Variants in PRKN observed in about 807,000 individuals in gnomAD.
PRKN encodes parkin RBR E3 ubiquitin protein ligase, also known as E3 ubiquitin-protein ligase parkin.
PRKN carries 56 observed loss-of-function variants against 59.5 expected under a neutral mutation model. The observed-to-expected ratio is 0.94, with a 90% CI of 0.76 to 1.18. PRKN has a LOEUF of 1.18. Ranked by LOEUF, PRKN falls within the 50% of genes most tolerant of loss-of-function variation. The pLI, the probability that PRKN is intolerant of heterozygous loss-of-function variation, is 0.00. For synonymous variants in PRKN, 250 were observed against 222.1 expected (o/e 1.13, Z -1.12); for missense variants, 657 against 596.4 (o/e 1.10, Z -1.06).
chr6:162,223,105 G>A (rs149404275), intron 3 of PRKN, among the ~76,000 whole-genome samples: 6 of 149,616 alleles, frequency 4.0e-5, no homozygotes, highest in African/African-American at 1.5e-4. Flanking sequence ...GAGAACATGC[G>A]GTGTTTGGTT....
intron 2 of PRKN, among the ~76,000 whole-genome samples, chr6:162,346,885 A>G (rs1269425438): frequency 6.6e-6 from 1 of 151,946 alleles, no homozygotes; most frequent in Non-Finnish European, 1.5e-5. Context: ...ATATATACAT[A>G]TATCTATATA....
At chr6:162,719,515 T>C (rs1778852058) in intron 1 of PRKN, among the ~76,000 whole-genome samples, 1 of 146,850 alleles carries the variant, frequency 6.8e-6, no homozygotes, top group Admixed American at 7.1e-5. Context: ...CTGCCCAGAG[T>C]TCATCATTCC....
intron 5 of PRKN, among the ~76,000 whole-genome samples, chr6:162,022,526 ATTG>A (rs764017246): frequency 9.2e-5 from 14 of 151,726 alleles, no homozygotes; most frequent in Middle Eastern, 3.4e-3. Context: ...ACCGGTCTTT[ATTG>A]TTGTTGTTGT....
intron 2 of PRKN, among the ~76,000 whole-genome samples, chr6:162,320,733 C>A (rs1782985321): frequency 6.6e-6 from 1 of 151,012 alleles, no homozygotes; most frequent in Non-Finnish European, 1.5e-5. Context: ...TAGGTATTAC[C>A]CAAAAGAAAT....
intron 2 of PRKN, among the ~76,000 whole-genome samples, chr6:162,372,023 G>C (rs1385942106): frequency 6.6e-6 from 1 of 152,196 alleles, no homozygotes; most frequent in South Asian, 2.1e-4. Flanking sequence ...GCTGCTGCCA[G>C]ATGCCCTCTG....
At chr6:162,075,771 G>GC (rs1244441375) in intron 4 of PRKN, among the ~76,000 whole-genome samples, 1 of 151,858 alleles carries the variant, frequency 6.6e-6, no homozygotes, top group Non-Finnish European at 1.5e-5. Flanking sequence ...CAGAACTTAG[G>GC]CCCCCCAGTG....
intron 1 of PRKN, among the ~76,000 whole-genome samples, chr6:162,679,306 A>G (rs1378999403): frequency 4.2e-5 from 6 of 144,236 alleles, no homozygotes; most frequent in Middle Eastern, 4.4e-3. Flanking sequence ...ATTTCACCAT[A>G]TTGGCCAGGC....
Position 161,402,743 on chromosome 6 carries a change from G to T in PRKN, c.1084-15866C>A, listed in dbSNP as rs1179188923. Among the ~76,000 whole-genome samples, 1 of 152,090 alleles carries T rather than the reference G, an allele frequency of 6.6e-6. No individual in the cohort carries two copies. On this transcript the variant is annotated intron_variant, in intron 9 of 11. Coordinates refer to ENST00000366898, the MANE Select transcript of PRKN (RefSeq NM_004562.3). This position sits in a 1 kb window ranked among gnomAD's most constrained non-coding sequence, Gnocchi z 4.5. Reference sequence around the variant, plus strand: ...AGAACAGGGGCTTGGGGATTCTTGTGAGGGGGAGGAGGTTAGAGGAGGGCA... The same window carrying T: ...AGAACAGGGGCTTGGGGATTCTTGTTAGGGGGAGGAGGTTAGAGGAGGGCA...
At chr6:162,012,807 A>C (rs1246560752) in intron 5 of PRKN, among the ~76,000 whole-genome samples, 1 of 152,050 alleles carries the variant, frequency 6.6e-6, no homozygotes, top group Non-Finnish European at 1.5e-5. Flanking sequence ...AGTGTAGGCC[A>C]GTTTTTGTGT....
chr6:162,141,153 A>T (rs1781762839), intron 4 of PRKN, among the ~76,000 whole-genome samples: 1 of 145,866 alleles, frequency 6.9e-6, no homozygotes, highest in African/African-American at 2.7e-5. Flanking sequence ...TAAATAAATA[A>T]AAATAAAAAT....
intron 4 of PRKN, among the ~76,000 whole-genome samples, chr6:162,128,711 G>A (rs1781223686): frequency 6.6e-6 from 1 of 152,180 alleles, no homozygotes; most frequent in Non-Finnish European, 1.5e-5. Flanking sequence ...AAGGGTGGGG[G>A]CCTTTGGGAA....
At chr6:162,222,298 T>C (rs1345595683) in intron 3 of PRKN, among the ~76,000 whole-genome samples, 1 of 152,158 alleles carries the variant, frequency 6.6e-6, no homozygotes, top group Non-Finnish European at 1.5e-5. Context: ...AATCGGTTGA[T>C]TTTGAATTAA....
At chr6:161,516,328 G>A (rs1778586120) in intron 9 of PRKN, among the ~76,000 whole-genome samples, 1 of 151,724 alleles carries the variant, frequency 6.6e-6, no homozygotes, top group Non-Finnish European at 1.5e-5. Context: ...TTAGCTGGGT[G>A]TGATGGCGGG....
intron 2 of PRKN, among the ~76,000 whole-genome samples, chr6:162,290,810 A>C (rs1318946151): frequency 6.6e-6 from 1 of 152,200 alleles, no homozygotes; most frequent in Non-Finnish European, 1.5e-5. Flanking sequence ...GAAATAACAT[A>C]AGAAGGAGCT....
intron 1 of PRKN, among the ~76,000 whole-genome samples, chr6:162,676,861 G>A (rs1008308343): frequency 6.6e-6 from 1 of 152,078 alleles, no homozygotes; most frequent in Non-Finnish European, 1.5e-5. Context: ...AGGAGTTTGT[G>A]AGCAGCCTGG....
At chr6:161,517,360 C>T (rs934005795) in intron 9 of PRKN, among the ~76,000 whole-genome samples, 2 of 152,062 alleles carry the variant, frequency 1.3e-5, no homozygotes, top group Non-Finnish European at 2.9e-5. Flanking sequence ...CGCACCAAAA[C>T]GTACATCAAA....
At chr6:161,937,855 A>G (rs570685442) in intron 6 of PRKN, among the ~76,000 whole-genome samples, 17 of 152,244 alleles carry the variant, frequency 1.1e-4, no homozygotes, top group Non-Finnish European at 2.2e-4. Context: ...ATGTACAAGA[A>G]TCTAGTAGAC....
At chr6:161,768,916 C>G (rs1789543196) in intron 7 of PRKN, among the ~76,000 whole-genome samples, 1 of 152,136 alleles carries the variant, frequency 6.6e-6, no homozygotes, top group Non-Finnish European at 1.5e-5. Context: ...AGTAATGCCG[C>G]TATTTATACT....
At chr6:162,578,657 T>G (rs902845146) in intron 1 of PRKN, among the ~76,000 whole-genome samples, 1 of 152,212 alleles carries the variant, frequency 6.6e-6, no homozygotes, top group South Asian at 2.1e-4. Context: ...TAGAATATAC[T>G]TTTCAAATGG....
Sources: allele counts gnomAD v4.1 joint callset (sites outside exome capture counted in the v4.1 genomes callset), GRCh38; gene constraint gnomAD v4.1.1; non-coding constraint Gnocchi (gnomAD v3.1); transcripts MANE v1.5; gene names NCBI Gene and HGNC (gene_info 2026-07-23, HGNC 2026-07-21).